The following PSD3 variants were observed in gnomAD, a reference collection of about 807,000 sequenced individuals.
PSD3 encodes the protein PH and SEC7 domain-containing protein 3.
In PSD3, 49 loss-of-function variants were observed where a neutral mutation model predicts 105.5. That is an observed-to-expected ratio of 0.46 (90% CI 0.37 to 0.59). The LOEUF is 0.59. PSD3 is among the 20% of genes least tolerant of loss of function. The pLI, the probability that PSD3 is intolerant of heterozygous loss-of-function variation, is 0.00. For missense variants in PSD3, 1,561 were observed against 1,263.8 expected (o/e 1.24, Z -3.57); for synonymous variants, 557 against 457.8 (o/e 1.22, Z -2.77).
intron 2 of PSD3, among the ~76,000 whole-genome samples, chr8:18,928,101 G>C (rs545205768): frequency 1.1e-4 from 16 of 152,274 alleles, no homozygotes; most frequent in African/African-American, 3.9e-4. Flanking sequence ...CAACCCAAAT[G>C]TATGGTTTGG....
chr8:18,630,177 C>T (rs1377426632), intron 11 of PSD3, among the ~76,000 whole-genome samples: 2 of 151,556 alleles, frequency 1.3e-5, no homozygotes, highest in African/African-American at 2.4e-5. Flanking sequence ...GCAGGACGAA[C>T]TTCCTAACTT....
At chr8:18,762,964 G>C (rs1353962471) in intron 9 of PSD3, 7 of 1,274,736 alleles carry the variant, frequency 5.5e-6, no homozygotes, top group Admixed American at 2.3e-5. Flanking sequence ...TTTCTCAGTA[G>C]TCTGTGATCT....
At chr8:18,569,392 T>C (rs1391889491) in intron 14 of PSD3, among the ~76,000 whole-genome samples, 5 of 149,522 alleles carry the variant, frequency 3.3e-5, no homozygotes, top group South Asian at 2.2e-4. Flanking sequence ...TTTTAATGAT[T>C]GCCATTCTAA....
chr8:18,802,264 C>G (rs1810763138), intron 6 of PSD3: 1 of 253,326 alleles, frequency 3.9e-6, no homozygotes, highest in African/African-American at 2.2e-5. Context: ...TATCAAAAAC[C>G]ACACATTAAT....
chr8:18,887,562 T>G (rs554194848), intron 2 of PSD3, among the ~76,000 whole-genome samples: 1 of 152,204 alleles, frequency 6.6e-6, no homozygotes, highest in Non-Finnish European at 1.5e-5. Context: ...TGAAGTGAGG[T>G]GGAAAGTAGC....
chr8:19,068,349 G>A (rs80066911), intron 1 of PSD3, among the ~76,000 whole-genome samples: 1 of 151,790 alleles, frequency 6.6e-6, no homozygotes, highest in East Asian at 1.9e-4. Flanking sequence ...GAGTGCCATG[G>A]CATGATCCTG....
chr8:19,068,763 A>G (rs996638371), intron 1 of PSD3, among the ~76,000 whole-genome samples: 3 of 45,170 alleles, frequency 6.6e-5, no homozygotes, highest in African/African-American at 2.6e-4. Flanking sequence ...AGTTTAATTA[A>G]AAAAAAAAAA....
At chr8:18,685,297 T>C (rs1166078346) in intron 9 of PSD3, among the ~76,000 whole-genome samples, 2 of 152,242 alleles carry the variant, frequency 1.3e-5, no homozygotes, top group Admixed American at 1.3e-4. Flanking sequence ...ACTAAAGTTA[T>C]GTTTTAATGT....
chr8:19,037,831 T>C (rs1188595175), intron 1 of PSD3, among the ~76,000 whole-genome samples: 2 of 152,006 alleles, frequency 1.3e-5, no homozygotes, highest in Non-Finnish European at 2.9e-5. Context: ...TTGCAGATAG[T>C]GGATCATGAG....
chr8:18,941,777 A>G (rs1822562929), intron 1 of PSD3, among the ~76,000 whole-genome samples: 1 of 146,788 alleles, frequency 6.8e-6, no homozygotes. Flanking sequence ...GGTTCAAGTG[A>G]TTCTCCTGCC....
At chr8:18,954,581 G>A (rs548287689) in intron 1 of PSD3, among the ~76,000 whole-genome samples, 9 of 152,190 alleles carry the variant, frequency 5.9e-5, no homozygotes, top group Admixed American at 2.6e-4. Context: ...AGTTCTGGTC[G>A]GAGAAGAATA....
rs1554490326 is a variant in PSD3, at chr8:18,755,429, C to CAAAATAACATAACATAACAT, written c.2172+10019_2172+10020insATGTTATGTTATGTTATTTT. Among the ~76,000 whole-genome samples, 250 of 136,884 alleles carry CAAAATAACATAACATAACAT rather than the reference C, an allele frequency of 1.8e-3. 2 individuals are homozygous for CAAAATAACATAACATAACAT. The highest frequency in any genetic ancestry group is 6.9e-3 in the East Asian group (32 of 4,660). 89.8% of individuals were successfully genotyped at this position (136,884 alleles called of 152,430 possible). A position where few individuals can be genotyped will look rare whatever the true frequency, so the allele number is the denominator to read the frequency against. Reference sequence around the variant, plus strand: ...TGGGCAACAGAGTGAGACCCTGTCTCAACATAACATAACATAACATAACAT... The same window carrying CAAAATAACATAACATAACAT: ...TGGGCAACAGAGTGAGACCCTGTCTCAAAATAACATAACATAACATAACATAACATAACATAACATAACAT... On this transcript the variant is annotated intron_variant, in intron 9 of 15. Transcript: ENST00000327040.
At position 18,683,439 on chromosome 8, in the gene PSD3, T is replaced by C. The variant is rs540300694; in HGVS notation, c.2173-27754A>G. ...CTGATGTTCTAAAAATACTCCGCAC[T>C]GAAAAATCATTTGTCAAGGCAACCT... On this transcript the variant is annotated intron_variant, in intron 9 of 15. Transcript: ENST00000327040. 2.0e-5 allele frequency among the ~76,000 whole-genome samples: 3 copies of C among 152,336 alleles called. No individual in the cohort carries two copies. In the East Asian group the frequency reaches 5.8e-4, roughly 29 times the overall value.
At chr8:18,990,406 G>T (rs536026299) in intron 1 of PSD3, among the ~76,000 whole-genome samples, 1 of 152,174 alleles carries the variant, frequency 6.6e-6, no homozygotes, top group South Asian at 2.1e-4. Context: ...TTCTTCATAT[G>T]CGACGCTCTT....
At chr8:18,626,607 G>A (rs1014919764) in intron 11 of PSD3, among the ~76,000 whole-genome samples, 1 of 152,088 alleles carries the variant, frequency 6.6e-6, no homozygotes, top group African/African-American at 2.4e-5. Context: ...AAAAAGTGAT[G>A]TGTTTTATAG....
chr8:18,566,692 G>A (rs1801787200), intron 14 of PSD3, among the ~76,000 whole-genome samples: 1 of 151,884 alleles, frequency 6.6e-6, no homozygotes, highest in African/African-American at 2.4e-5. Flanking sequence ...AAATGATACG[G>A]TTACCTTGTC....
intron 9 of PSD3, among the ~76,000 whole-genome samples, chr8:18,709,182 C>A (rs904382137): frequency 6.6e-6 from 1 of 152,142 alleles, no homozygotes; most frequent in Admixed American, 6.5e-5. Context: ...GGAGACTGGG[C>A]AGTTTAGACC....
intron 4 of PSD3, among the ~76,000 whole-genome samples, chr8:18,844,698 T>C (rs1487968439): frequency 6.6e-6 from 1 of 152,080 alleles, no homozygotes; most frequent in African/African-American, 2.4e-5. Flanking sequence ...CAGGGAAAAA[T>C]AAGATTATTA....
At chr8:18,755,785 A>C (rs1805988464) in intron 9 of PSD3, among the ~76,000 whole-genome samples, 1 of 151,628 alleles carries the variant, frequency 6.6e-6, no homozygotes, top group Non-Finnish European at 1.5e-5. Flanking sequence ...AAACACATGA[A>C]CATGATTTGT....
Sources: allele counts gnomAD v4.1 joint callset (sites outside exome capture counted in the v4.1 genomes callset), GRCh38; gene constraint gnomAD v4.1.1; transcripts MANE v1.5; gene names NCBI Gene and HGNC (gene_info 2026-07-23, HGNC 2026-07-21).